ZFAT: variants seen among roughly 807,000 people sequenced by gnomAD.
ZFAT encodes zinc finger protein ZFAT.
In ZFAT, 64 loss-of-function variants were observed where a neutral mutation model predicts 117.7. That is an observed-to-expected ratio of 0.54 (90% CI 0.44 to 0.67). ZFAT has a LOEUF of 0.67. ZFAT is among the 30% of genes least tolerant of loss of function. The probability of loss-of-function intolerance (pLI) is 0.00; values close to 1 mark genes in which losing one functional copy is unlikely to be tolerated. For missense variants in ZFAT, 1,433 were observed against 1,584.5 expected, an observed-to-expected ratio of 0.90 and a Z score of 1.62; for synonymous variants, 679 against 615.0, an observed-to-expected ratio of 1.10 and a Z score of -1.54.
chr8:134,633,949 G>A (rs1830047568), intron 3 of ZFAT, among the ~76,000 whole-genome samples: 1 of 152,290 alleles, frequency 6.6e-6, no homozygotes, highest in Admixed American at 6.5e-5. Context: ...GGGAGGCTGA[G>A]GCAGGAGAAT....
intron 2 of ZFAT, among the ~76,000 whole-genome samples, chr8:134,651,901 T>C (rs571565223): frequency 2.1e-4 from 32 of 152,194 alleles, no homozygotes; most frequent in African/African-American, 7.7e-4. Context: ...TAAAGTCAGA[T>C]TGACAGCTGG....
rs376225092 is a variant in ZFAT at position 134,583,789 on chromosome 8, C to T, written c.2887+43G>A. ...ACAAACTGGAACATCAGCTTCAAAC[C>T]ACACATTTAGAGGGGAAAGTTCACC... is the stretch of plus-strand genomic sequence containing the variant. On this transcript the variant is annotated intron_variant, in intron 10 of 15. Coordinates refer to ENST00000377838, the MANE Select transcript of ZFAT (RefSeq NM_020863.4). 135 of 1,600,472 alleles carry T rather than the reference C, an allele frequency of 8.4e-5. 1 individual carries two copies. The East Asian group carries it at 2.1e-3, about 24-fold the overall frequency.
At chr8:134,633,763 G>T (rs1315781165) in intron 3 of ZFAT, among the ~76,000 whole-genome samples, 1 of 152,204 alleles carries the variant, frequency 6.6e-6, no homozygotes, top group Non-Finnish European at 1.5e-5. Flanking sequence ...TGCATACCTT[G>T]GCCAGGCACA....
At chr8:134,692,157 G>A (rs1400904592) in intron 1 of ZFAT, among the ~76,000 whole-genome samples, 5 of 152,138 alleles carry the variant, frequency 3.3e-5, no homozygotes, top group Non-Finnish European at 5.9e-5. Context: ...CATTCTTAAC[G>A]CTCATTTTCT....
chr8:134,577,761 A>C (rs995115480), intron 10 of ZFAT, among the ~76,000 whole-genome samples: 2 of 152,230 alleles, frequency 1.3e-5, no homozygotes, highest in African/African-American at 4.8e-5. Flanking sequence ...AGTACACTGG[A>C]GAAGGGTTGG....
the ZFAT span, among the ~76,000 whole-genome samples, chr8:134,761,531 C>T: frequency 6.6e-6 from 1 of 151,112 alleles, no homozygotes; most frequent in South Asian, 2.1e-4. Context: ...GAAACCCCGT[C>T]TCTACTAAAA....
intron 10 of ZFAT, among the ~76,000 whole-genome samples, chr8:134,581,434 C>T (rs1825704428): frequency 6.6e-6 from 1 of 152,162 alleles, no homozygotes; most frequent in South Asian, 2.1e-4. Flanking sequence ...AGAATTGAGG[C>T]TGAAAGAAAC....
intron 1 of ZFAT, among the ~76,000 whole-genome samples, chr8:134,661,062 C>T (rs1360077410): frequency 6.6e-6 from 1 of 152,238 alleles, no homozygotes; most frequent in African/African-American, 2.4e-5. Flanking sequence ...ACAGAAGGCT[C>T]CGCCACGTGA....
intron 8 of ZFAT, among the ~76,000 whole-genome samples, chr8:134,590,013 T>C (rs747184302): frequency 2.2e-4 from 34 of 152,090 alleles, no homozygotes; most frequent in Non-Finnish European, 4.1e-4. Flanking sequence ...AAAGTTCCCA[T>C]TAAAAGGGGC....
chr8:134,496,406 C>G (rs999174127), intron 15 of ZFAT, among the ~76,000 whole-genome samples: 1 of 152,228 alleles, frequency 6.6e-6, no homozygotes, highest in Non-Finnish European at 1.5e-5. Flanking sequence ...TCCCATGAAA[C>G]GGGCTTCTCC....
At chr8:134,486,112 G>A (rs776281530) in intron 15 of ZFAT, among the ~76,000 whole-genome samples, 1 of 152,204 alleles carries the variant, frequency 6.6e-6, no homozygotes, top group Non-Finnish European at 1.5e-5. Flanking sequence ...AATAAAACCC[G>A]TTGGCCCTAA....
At chr8:134,667,492 CA>C (rs34820180) in intron 1 of ZFAT, among the ~76,000 whole-genome samples, 24,318 of 64,178 alleles carry the variant, frequency 0.38, 1,647 homozygotes, top group East Asian at 0.46. Flanking sequence ...GACTAAGTCT[CA>C]AAAAAAAAAA....
At chr8:134,770,299 G>A in the ZFAT span, among the ~76,000 whole-genome samples, 44 of 152,280 alleles carry the variant, frequency 2.9e-4, no homozygotes, top group African/African-American at 8.7e-4. Context: ...TGGAGGGACC[G>A]GCTGAAGCCA....
chr8:134,705,344 G>C (rs1834119558), intron 1 of ZFAT, among the ~76,000 whole-genome samples: 1 of 149,616 alleles, frequency 6.7e-6, no homozygotes, highest in African/African-American at 2.5e-5. Context: ...GGGACCAAAG[G>C]CATCCACCAC....
chr8:134,676,144 A>G (rs1832785239), intron 1 of ZFAT, among the ~76,000 whole-genome samples: 1 of 151,438 alleles, frequency 6.6e-6, no homozygotes, highest in Non-Finnish European at 1.5e-5. Flanking sequence ...AAAGATACAG[A>G]CTGGCAAATT....
At chr8:134,606,512 C>A (rs911321836) in intron 5 of ZFAT, among the ~76,000 whole-genome samples, 2 of 152,020 alleles carry the variant, frequency 1.3e-5, no homozygotes, top group African/African-American at 2.4e-5. Context: ...GTCAAGAGTT[C>A]AAGAACAGCC....
At chr8:134,682,209 T>C (rs1395614238) in intron 1 of ZFAT, among the ~76,000 whole-genome samples, 1 of 152,180 alleles carries the variant, frequency 6.6e-6, no homozygotes, top group Non-Finnish European at 1.5e-5. Context: ...GGTTTTATTA[T>C]TGTATTTCCT....
chr8:134,659,786 G>A (rs1831838462), intron 1 of ZFAT, among the ~76,000 whole-genome samples: 1 of 152,160 alleles, frequency 6.6e-6, no homozygotes, highest in East Asian at 1.9e-4. Flanking sequence ...AAGGCAATAG[G>A]CCAACCCAGC....
intron 3 of ZFAT, among the ~76,000 whole-genome samples, chr8:134,627,275 T>G (rs1309168910): frequency 6.6e-6 from 1 of 151,904 alleles, no homozygotes; most frequent in African/African-American, 2.4e-5. Flanking sequence ...GCATTAGAGG[T>G]GATGACAGTG....
Sources: gnomAD v4.1 joint callset for allele counts (sites outside exome capture counted in the v4.1 genomes callset) on GRCh38, gnomAD v4.1.1 for gene constraint, MANE v1.5 for transcripts, NCBI Gene and HGNC (gene_info 2026-07-23, HGNC 2026-07-21) for gene names.